The following ETFA variants were observed in gnomAD, a reference collection of about 807,000 sequenced individuals.
ETFA encodes the protein electron transfer flavoprotein subunit alpha.
Under a neutral mutation model 46.2 loss-of-function variants are expected in ETFA, and 22 were observed. The ratio of observed to expected loss-of-function variants is 0.48; its 90% CI spans 0.34 to 0.68. ETFA has a LOEUF of 0.68. ETFA is among the 30% of genes least tolerant of loss of function. ETFA has a pLI of 0.01. For missense variants in ETFA, 345 were observed against 401.1 expected, an observed-to-expected ratio of 0.86 and a Z score of 1.19; for synonymous variants, 131 against 139.9, an observed-to-expected ratio of 0.94 and a Z score of 0.45.
chr15:76,246,789 T>TGC (rs2039247076), intron 9 of ETFA, among the ~76,000 whole-genome samples: 2 of 151,160 alleles, frequency 1.3e-5, no homozygotes, highest in Non-Finnish European at 2.9e-5. Flanking sequence ...GCCGAGATCA[T>TGC]GCCACTGCAC....
In ETFA at chr15:76,225,911, T is replaced by C. The variant is rs886257893; in HGVS notation, c.901A>G (p.Lys301Glu). Residue 301 changes from lysine (K) to glutamate (E), a missense_variant, in exon 11 of 12, where the codon AAA (lysine) becomes GAA (glutamate). By Grantham distance (56) the Lys-to-Glu change is moderately conservative. Coordinates refer to ENST00000557943, the MANE Select transcript of ETFA (RefSeq NM_000126.4). ...TGGAAAATTGGAGCTTCTGGGTCTTTATTAATTGCCACAATTGTCTGTGAA... is the reference window on the plus strand; with the variant it reads ...TGGAAAATTGGAGCTTCTGGGTCTTCATTAATTGCCACAATTGTCTGTGAA... Reference protein sequence around the residue: ...KDSKTIVAINKDPEAPIFQVA... With the variant: ...KDSKTIVAINEDPEAPIFQVA... 1.2e-6 allele frequency: 2 copies of C among 1,608,010 alleles called. No homozygotes were observed. Among genetic ancestry groups the C allele is most frequent in the Non-Finnish European group, 1.7e-6 (2 of 1,174,488 alleles).
At chr15:76,218,373 T>C (rs1359362539) in intron 11 of ETFA, among the ~76,000 whole-genome samples, 1 of 152,148 alleles carries the variant, frequency 6.6e-6, no homozygotes, top group Non-Finnish European at 1.5e-5. Context: ...GTTCAAGCAA[T>C]TCTCCTGCCT....
intron 9 of ETFA, among the ~76,000 whole-genome samples, chr15:76,247,370 T>C (rs1026009306): frequency 6.6e-6 from 1 of 152,126 alleles, no homozygotes; most frequent in Non-Finnish European, 1.5e-5. Flanking sequence ...GAGACATACA[T>C]TTTTTTAGAT....
chr15:76,281,696 A>T (rs373939075), intron 8 of ETFA, among the ~76,000 whole-genome samples: 27 of 151,730 alleles, frequency 1.8e-4, no homozygotes, highest in African/African-American at 6.5e-4. Flanking sequence ...CGCCTGGCCC[A>T]TATTATATTA....
chr15:76,307,564 G>A (rs956500389), intron 1 of ETFA, among the ~76,000 whole-genome samples: 13 of 151,340 alleles, frequency 8.6e-5, no homozygotes, highest in African/African-American at 2.4e-4. Flanking sequence ...TGGGCTCAAT[G>A]CAGCCTCAAA....
At chr15:76,216,724 T>C in intron 11 of ETFA, 127 bp from the exon 12 acceptor site, 1 of 668,916 alleles carries the variant, frequency 1.5e-6, no homozygotes, top group Non-Finnish European at 2.7e-6. Context: ...GAGGGCCCCC[T>C]CCTCTCCACC....
At chr15:76,304,386 C>G (rs1029068220) in intron 1 of ETFA, among the ~76,000 whole-genome samples, 4 of 152,130 alleles carry the variant, frequency 2.6e-5, no homozygotes, top group Non-Finnish European at 5.9e-5. Context: ...ATCAAACCCC[C>G]AGGACACACG....
rs769976586 is a variant in ETFA, at chr15:76,283,823, G to T, written c.667C>A (p.Arg223=). 1.9e-6 allele frequency: 3 copies of T among 1,606,384 alleles called. No homozygotes were observed. The highest frequency in any genetic ancestry group is 2.6e-6 in the Non-Finnish European group (3 of 1,175,144). ...AAGTTCTCTCCACTCTTCAAGCCTC[G>T]ACCTCATTTAAAAAGATGAAAAAAA... ...TGAKVVVSGG[R]GLKSGENFKL... is the part of the protein sequence containing the mutation. Residue 223 remains arginine, a splice_region_variant and synonymous_variant, in exon 8 of 12, where the codon CGA becomes AGA. Coordinates refer to ENST00000557943, the MANE Select transcript of ETFA (RefSeq NM_000126.4).
At position 76,225,832 on chromosome 15, in the gene ETFA, T is replaced by A. The variant is rs781174342; in HGVS notation, c.963+17A>T. ...TGACAATCTAGATAATAGCAATTTC[T>A]CTCAAGGCCAGCTTACCTTAAATAA... On this transcript the variant is annotated intron_variant, in intron 11 of 11. Coordinates refer to ENST00000557943, the MANE Select transcript of ETFA (RefSeq NM_000126.4). The A allele has an allele frequency of 1.3e-6, 2 of 1,527,152 alleles. No homozygotes were observed. The highest frequency in any genetic ancestry group is 3.3e-5 in the Admixed American group (2 of 59,920). The allele number at this position is 1,527,152 out of a possible 1,614,324, so 94.6% of individuals were successfully genotyped here.
At chr15:76,305,301 T>C (rs1436058982) in intron 1 of ETFA, among the ~76,000 whole-genome samples, 2 of 152,238 alleles carry the variant, frequency 1.3e-5, no homozygotes, top group Non-Finnish European at 2.9e-5. Flanking sequence ...TGTTCTCCAC[T>C]GTGAACTTGG....
At chr15:76,302,161 C>G (rs2039885410) in intron 1 of ETFA, among the ~76,000 whole-genome samples, 1 of 152,198 alleles carries the variant, frequency 6.6e-6, no homozygotes, top group Admixed American at 6.5e-5. Flanking sequence ...TCTTACCATA[C>G]AATCTAGCAA....
intron 10 of ETFA, chr15:76,230,070 C>G (rs1048160897): frequency 2.6e-5 from 4 of 151,084 alleles, no homozygotes; most frequent in Non-Finnish European, 5.9e-5. Flanking sequence ...ATGGCGTGAA[C>G]GCGGGAGGCG....
At chr15:76,296,785 AG>A (rs1172311843) in intron 1 of ETFA, among the ~76,000 whole-genome samples, 1 of 152,244 alleles carries the variant, frequency 6.6e-6, no homozygotes, top group Admixed American at 6.5e-5. Context: ...AAGATGAACA[AG>A]AATGGTCCCT....
At chr15:76,228,751 C>CTTTT (rs990306452) in intron 10 of ETFA, 24 of 115,292 alleles carry the variant, frequency 2.1e-4, no homozygotes, top group South Asian at 8.1e-4. Flanking sequence ...ATTATTATTA[C>CTTTT]TTTTTTTTTT....
At chr15:76,297,390 T>G (rs529499400) in intron 1 of ETFA, among the ~76,000 whole-genome samples, 2 of 151,242 alleles carry the variant, frequency 1.3e-5, no homozygotes, top group South Asian at 4.2e-4. Context: ...AATAAAATAA[T>G]TAAAAATAAA....
chr15:76,220,773 G>A (rs1286762253), intron 11 of ETFA, among the ~76,000 whole-genome samples: 4 of 152,114 alleles, frequency 2.6e-5, no homozygotes, highest in African/African-American at 9.7e-5. Flanking sequence ...AAACCACAAT[G>A]AGATACCACC....
At chr15:76,251,990 A>G (rs1170857705) in intron 9 of ETFA, among the ~76,000 whole-genome samples, 1 of 152,132 alleles carries the variant, frequency 6.6e-6, no homozygotes, top group Non-Finnish European at 1.5e-5. Context: ...TCTCTCTCTG[A>G]TCTTGATACC....
chr15:76,259,529 C>T (rs971813423), intron 9 of ETFA: 7 of 881,506 alleles, frequency 7.9e-6, no homozygotes, highest in African/African-American at 6.6e-5. Flanking sequence ...ATGGTGTCTG[C>T]CCACGTGTCA....
chr15:76,266,902 TA>T (rs34822609), intron 9 of ETFA, among the ~76,000 whole-genome samples: 263 of 146,966 alleles, frequency 1.8e-3, no homozygotes, highest in African/African-American at 2.7e-3. Context: ...AGACTCCGTT[TA>T]AAAAAAAAAA....
Sources: allele counts gnomAD v4.1 joint callset (sites outside exome capture counted in the v4.1 genomes callset), GRCh38; gene constraint gnomAD v4.1.1; transcripts MANE v1.5; gene names NCBI Gene and HGNC (gene_info 2026-07-23, HGNC 2026-07-21).